Variants in MAST4 observed in about 807,000 individuals in gnomAD.
MAST4 encodes microtubule associated serine/threonine kinase family member 4.
Under a neutral mutation model 162.7 loss-of-function variants are expected in MAST4, and 89 were observed. The observed-to-expected ratio is 0.55, with a 90% CI of 0.46 to 0.65. MAST4 has a LOEUF of 0.65. MAST4 is among the 30% of genes least tolerant of loss of function. The pLI is 0.00. For missense variants in MAST4, 3,153 were observed against 3,374.0 expected (o/e 0.93, Z 1.62); for synonymous variants, 1,479 against 1,361.1 (o/e 1.09, Z -1.91).
chr5:66,995,430 G>T (rs1313370338), intron 4 of MAST4, among the ~76,000 whole-genome samples: 1 of 152,118 alleles, frequency 6.6e-6, no homozygotes, highest in African/African-American at 2.4e-5. Context: ...TTGAGACAGA[G>T]TCTCACTCTG....
rs1420027075 is a variant in MAST4, at chr5:66,953,270, G to A, written c.674+53288G>A. Among the ~76,000 whole-genome samples the A allele has an allele frequency of 2.4e-4, 36 of 152,152 alleles. 1 individual carries two copies. The highest frequency in any genetic ancestry group is 2.4e-3 in the Admixed American group (36 of 15,264). On this transcript the variant is annotated intron_variant, in intron 4 of 28. Coordinates refer to ENST00000403625, the MANE Select transcript of MAST4 (RefSeq NM_001164664.2). ...CCTTGGATCTAGAAAGGAAAGAGGT[G>A]AGAAAATATTGCATTGGGGAGATCT...
intron 4 of MAST4, among the ~76,000 whole-genome samples, chr5:66,920,617 A>C (rs1026740550): frequency 3.3e-5 from 5 of 151,934 alleles, no homozygotes; most frequent in Admixed American, 3.3e-4. Flanking sequence ...CAGCCTCCCG[A>C]GTAGCTGGGA....
chr5:67,110,182 C>A lies in MAST4; in HGVS notation c.1441C>A (p.Arg481=), dbSNP rs758695119. The A allele has an allele frequency of 6.2e-7, 1 of 1,613,120 alleles. No individual in the cohort carries two copies. Among genetic ancestry groups the A allele is most frequent in the African/African-American group, 1.3e-5 (1 of 75,008 alleles). ...CCTAATTGTTATTGCCCGCCCTGCTCGGTTATTAGAGTGCCTGGTAAGTTG... is the reference window on the plus strand; with the variant it reads ...CCTAATTGTTATTGCCCGCCCTGCTAGGTTATTAGAGTGCCTGGTAAGTTG... ...KILIVIARPA[R]LLECLEFDPE... The change falls in exon 11 of 29, where the codon CGG becomes AGG. Residue 481 remains arginine (R), a synonymous_variant. Coordinates refer to ENST00000403625, the MANE Select transcript of MAST4 (RefSeq NM_001164664.2).
chr5:66,706,370 C>G (rs1204237006), intron 1 of MAST4, among the ~76,000 whole-genome samples: 1 of 151,990 alleles, frequency 6.6e-6, no homozygotes, highest in Non-Finnish European at 1.5e-5. Context: ...CCCAAACCCA[C>G]CATTATTCAT....
At chr5:66,859,824 C>G (rs1043794573) in intron 3 of MAST4, among the ~76,000 whole-genome samples, 6 of 152,186 alleles carry the variant, frequency 3.9e-5, no homozygotes, top group African/African-American at 1.4e-4. Flanking sequence ...GCCGTGCTGC[C>G]TAAGGGCCCA....
chr5:66,838,019 A>G (rs1234938413), intron 3 of MAST4, among the ~76,000 whole-genome samples: 11 of 151,202 alleles, frequency 7.3e-5, no homozygotes, highest in Admixed American at 5.3e-4. Context: ...CCATTAACCA[A>G]TCTGCCTTGG....
chr5:66,758,878 A>G (rs774429718), intron 1 of MAST4, among the ~76,000 whole-genome samples: 3 of 152,174 alleles, frequency 2.0e-5, no homozygotes, highest in African/African-American at 7.2e-5. Flanking sequence ...GGAAGTATGT[A>G]GGTGTATATG....
chr5:66,841,514 C>T (rs1345560411), intron 3 of MAST4, among the ~76,000 whole-genome samples: 2 of 152,142 alleles, frequency 1.3e-5, no homozygotes, highest in Admixed American at 1.3e-4. Context: ...AATCAAGGTG[C>T]CAGCAGATTT....
chr5:66,761,325 A>G (rs1485712858), intron 2 of MAST4, among the ~76,000 whole-genome samples: 1 of 152,234 alleles, frequency 6.6e-6, no homozygotes, highest in Non-Finnish European at 1.5e-5. Context: ...AAATACCCAA[A>G]TTAAGATAAG....
At chr5:67,064,491 A>G (rs1193786770) in intron 5 of MAST4, among the ~76,000 whole-genome samples, 2 of 152,224 alleles carry the variant, frequency 1.3e-5, no homozygotes, top group African/African-American at 4.8e-5. Flanking sequence ...CTTTCCCCCA[A>G]AAGAGGGAGT....
chr5:66,981,264 A>G (rs1017953609), intron 4 of MAST4, among the ~76,000 whole-genome samples: 22 of 152,210 alleles, frequency 1.4e-4, no homozygotes, highest in African/African-American at 4.6e-4. Flanking sequence ...CTATTTAATA[A>G]TGTTCTTATT....
chr5:67,164,553 G>C lies in MAST4; in HGVS notation c.5374G>C (p.Gly1792Arg). 1 of 1,613,994 alleles carries C rather than the reference G, an allele frequency of 6.2e-7. No individual in the cohort carries two copies. Among genetic ancestry groups the C allele is most frequent in the Non-Finnish European group, 8.5e-7 (1 of 1,179,894 alleles). The change falls in exon 29 of 29, where the codon GGT becomes CGT. Residue 1792 changes from glycine to arginine, a missense_variant. Physicochemically the swap from Gly to Arg is moderately radical, Grantham distance 125 (BLOSUM62 -2). Coordinates refer to ENST00000403625, the MANE Select transcript of MAST4 (RefSeq NM_001164664.2). The surrounding 1 kb of genome is among the most constrained non-coding windows in gnomAD (Gnocchi z 5.3). The stretch of plus-strand genomic sequence containing the variant: ...GAGCCCCTCCGAGTATAAGCTGGAA[G>C]GTAGGTCTGTCTCATGCCTGAAGCC... ...RKSPSEYKLE[G>R]RSVSCLKPIE...
chr5:66,750,958 C>T (rs1753116728), intron 1 of MAST4, among the ~76,000 whole-genome samples: 1 of 152,228 alleles, frequency 6.6e-6, no homozygotes, highest in South Asian at 2.1e-4. Flanking sequence ...TGAGAACAGG[C>T]AGACTGCCTT....
intron 3 of MAST4, among the ~76,000 whole-genome samples, chr5:66,804,081 C>T (rs371684220): frequency 1.1e-4 from 16 of 151,850 alleles, no homozygotes; most frequent in Admixed American, 2.6e-4. Flanking sequence ...ACAACATTAT[C>T]GTGACAAATA....
rs546747999 is a variant in MAST4 at position 66,897,727 on chromosome 5, C to T, written c.643-2224C>T. 7.9e-5 allele frequency among the ~76,000 whole-genome samples: 12 copies of T among 152,278 alleles called. No individual in the cohort carries two copies. In the East Asian group the frequency reaches 1.2e-3, roughly 15 times the overall value. On this transcript the variant is annotated intron_variant, in intron 3 of 28. Transcript: ENST00000403625. ...TCCTTTGCTCCTCATCTTGGAATCT[C>T]GGCTGCCATCCCGTGGAGCAGCAGT... is the stretch of plus-strand genomic sequence containing the variant.
chr5:66,767,170 C>CGTGTGTGTGTGTGT (rs60766673), intron 2 of MAST4, among the ~76,000 whole-genome samples: 62 of 139,560 alleles, frequency 4.4e-4, no homozygotes, highest in African/African-American at 1.3e-3. Flanking sequence ...GTAAAGTGCA[C>CGTGTGTGTGTGTGT]GTGTGTGTGT....
intron 1 of MAST4, among the ~76,000 whole-genome samples, chr5:66,643,552 A>G (rs954631202): frequency 6.6e-6 from 1 of 152,180 alleles, no homozygotes; most frequent in Non-Finnish European, 1.5e-5. Flanking sequence ...TGTTGTGCAG[A>G]GGACAGATAC....
At chr5:66,894,577 ATTGT>A (rs1344343891) in intron 3 of MAST4, among the ~76,000 whole-genome samples, 37 of 152,308 alleles carry the variant, frequency 2.4e-4, no homozygotes, top group African/African-American at 8.2e-4. Flanking sequence ...TCCTAAATTA[ATTGT>A]TAGTGCAGAG....
At chr5:66,730,578 G>A (rs1172272426) in intron 1 of MAST4, among the ~76,000 whole-genome samples, 1 of 152,178 alleles carries the variant, frequency 6.6e-6, no homozygotes, top group Admixed American at 6.5e-5. Context: ...TTGCCGATCA[G>A]TGGTAATTTA....
Sources: allele counts gnomAD v4.1 joint callset (sites outside exome capture counted in the v4.1 genomes callset), GRCh38; gene constraint gnomAD v4.1.1; non-coding constraint Gnocchi (gnomAD v3.1); transcripts MANE v1.5; gene names NCBI Gene and HGNC (gene_info 2026-07-23, HGNC 2026-07-21).